The following TMEM47 variants were observed in gnomAD, a reference collection of about 807,000 sequenced individuals.
The protein encoded by TMEM47 is transmembrane protein 47, also known as brain cell membrane protein 1.
TMEM47 carries 3 observed loss-of-function variants against 12.4 expected under a neutral mutation model. The ratio of observed to expected loss-of-function variants is 0.24; its 90% confidence interval spans 0.11 to 0.63. The LOEUF is 0.63. TMEM47 is among the 20% of genes least tolerant of loss of function. The pLI is 0.86. For synonymous variants in TMEM47, 62 were observed against 63.3 expected, an observed-to-expected ratio of 0.98 and a Z score of 0.10; for missense variants, 89 against 143.8, an observed-to-expected ratio of 0.62 and a Z score of 1.95.
chrX:34,654,117 A>G (rs1922063889), intron 1 of TMEM47, among the ~76,000 whole-genome samples: 1 of 112,144 alleles, frequency 8.9e-6, no homozygotes, highest in Admixed American at 9.5e-5. Context: ...GGTTATAAAC[A>G]GCAAATGATG....
chrX:34,631,645 G>A (rs1031657364), intron 2 of TMEM47, among the ~76,000 whole-genome samples: 3 of 111,541 alleles, frequency 2.7e-5, no homozygotes, highest in African/African-American at 9.8e-5. Flanking sequence ...ACTTCTGTCA[G>A]GGCCAAAGGG....
intron 1 of TMEM47, among the ~76,000 whole-genome samples, chrX:34,647,913 T>TGA (rs1921942275): frequency 9.0e-6 from 1 of 111,726 alleles, no homozygotes. Flanking sequence ...TTAGCCAAGC[T>TGA]GAGAGCCAAA....
chrX:34,646,326 T>C (rs1247942679), intron 1 of TMEM47, among the ~76,000 whole-genome samples: 1 of 112,002 alleles, frequency 8.9e-6, no homozygotes, highest in Admixed American at 9.5e-5. Context: ...ATATGGTGTT[T>C]TTTCCTCAAA....
chrX:34,652,112 T>A (rs1467446027), intron 1 of TMEM47, among the ~76,000 whole-genome samples: 1 of 112,360 alleles, frequency 8.9e-6, no homozygotes, highest in African/African-American at 3.2e-5. Context: ...TCAGTTAGAA[T>A]CCAATGTCTC....
intron 2 of TMEM47, among the ~76,000 whole-genome samples, chrX:34,631,677 A>G (rs1921629109): frequency 9.0e-6 from 1 of 111,634 alleles, no homozygotes; most frequent in African/African-American, 3.3e-5. Flanking sequence ...AGTCATACCG[A>G]ATAAAATAAA....
At chrX:34,639,123 A>T in intron 2 of TMEM47, 124 bp downstream of exon 2, 1 of 837,041 alleles carries the variant, frequency 1.2e-6, no homozygotes, top group Non-Finnish European at 1.6e-6. Flanking sequence ...CCTTAAAAAT[A>T]TAGTAAATGC....
chrX:34,654,872 C>T (rs745434758), intron 1 of TMEM47, among the ~76,000 whole-genome samples: 1 of 111,856 alleles, frequency 8.9e-6, no homozygotes, highest in African/African-American at 3.2e-5. Flanking sequence ...ATACGCTGGG[C>T]TATGACTTTC....
At chrX:34,637,634 T>G (rs191710591) in intron 2 of TMEM47, among the ~76,000 whole-genome samples, 2 of 111,394 alleles carry the variant, frequency 1.8e-5, no homozygotes, top group African/African-American at 6.5e-5. Context: ...AGTTACTTAT[T>G]TGTTTACATG....
intron 1 of TMEM47, among the ~76,000 whole-genome samples, chrX:34,649,835 C>T (rs775417642): frequency 3.6e-5 from 4 of 111,667 alleles, no homozygotes; most frequent in African/African-American, 1.3e-4. Flanking sequence ...AAGCGATTCT[C>T]CTGCCTCAGC....
intron 1 of TMEM47, among the ~76,000 whole-genome samples, chrX:34,650,322 C>G (rs1002627750): frequency 9.0e-6 from 1 of 111,677 alleles, no homozygotes; most frequent in African/African-American, 3.3e-5. Context: ...CAGTTATCTA[C>G]AATATTACAG....
intron 1 of TMEM47, among the ~76,000 whole-genome samples, chrX:34,651,108 C>G (rs1200559304): frequency 8.9e-6 from 1 of 111,777 alleles, no homozygotes; most frequent in Non-Finnish European, 1.9e-5. Flanking sequence ...CCCACATTCT[C>G]TTCTACAATG....
chrX:34,648,076 T>C (rs1030537536), intron 1 of TMEM47, among the ~76,000 whole-genome samples: 6 of 112,069 alleles, frequency 5.4e-5, no homozygotes, highest in African/African-American at 1.6e-4. Flanking sequence ...AAACATTCCA[T>C]GCTCATGGAT....
At chrX:34,640,922 T>A (rs776136587) in intron 1 of TMEM47, among the ~76,000 whole-genome samples, 43 of 111,259 alleles carry the variant, frequency 3.9e-4, no homozygotes, top group Admixed American at 1.5e-3. Flanking sequence ...CCAAACTTCT[T>A]AAAATATAAA....
chrX:34,633,503 A>T (rs1346833347), intron 2 of TMEM47, among the ~76,000 whole-genome samples: 1 of 111,589 alleles, frequency 9.0e-6, no homozygotes, highest in African/African-American at 3.3e-5. Context: ...ATGAGATATG[A>T]TGGAAGAAAC....
intron 1 of TMEM47, among the ~76,000 whole-genome samples, chrX:34,646,854 T>A (rs966880188): frequency 2.7e-5 from 3 of 111,501 alleles, no homozygotes; most frequent in Non-Finnish European, 5.7e-5. Context: ...TCCCACCAGC[T>A]CCTTCTTAAT....
At chrX:34,638,067 G>T (rs1178501473) in intron 2 of TMEM47, among the ~76,000 whole-genome samples, 1 of 110,971 alleles carries the variant, frequency 9.0e-6, no homozygotes, top group African/African-American at 3.3e-5. Context: ...TGGTGATACT[G>T]TGGCCAGTTT....
At chrX:34,641,039 G>T (rs1418374762) in intron 1 of TMEM47, among the ~76,000 whole-genome samples, 1 of 109,976 alleles carries the variant, frequency 9.1e-6, no homozygotes, top group Non-Finnish European at 1.9e-5. Flanking sequence ...GAAGTTAAAA[G>T]GCTAGCCATA....
chrX:34,646,596 CTT>C, intron 1 of TMEM47, among the ~76,000 whole-genome samples: 1 of 111,596 alleles, frequency 9.0e-6, no homozygotes, highest in African/African-American at 3.2e-5. Context: ...TTTTTTCACT[CTT>C]TGAATAAAAA....
chrX:34,655,792 A>AAG (rs200249272), intron 1 of TMEM47, among the ~76,000 whole-genome samples: 1 of 108,792 alleles, frequency 9.2e-6, no homozygotes, highest in Non-Finnish European at 1.9e-5. Context: ...GAGAGAGAGA[A>AAG]AGAGAGAGAA....
Sources: gnomAD v4.1 joint callset for allele counts (sites outside exome capture counted in the v4.1 genomes callset) on GRCh38, gnomAD v4.1.1 for gene constraint, MANE v1.5 for transcripts, NCBI Gene and HGNC (gene_info 2026-07-23, HGNC 2026-07-21) for gene names.